Variants in CCNQ observed in about 807,000 individuals in gnomAD.
CCNQ encodes cyclin Q.
CCNQ carries 3 observed loss-of-function variants against 17.7 expected under a neutral mutation model. The ratio of observed to expected loss-of-function variants is 0.17; its 90% CI spans 0.08 to 0.44. CCNQ has a LOEUF of 0.44. Ranked by LOEUF, CCNQ falls within the 20% of genes least tolerant of loss-of-function variation. The pLI, the probability that CCNQ is intolerant of heterozygous loss-of-function variation, is 0.99. For missense variants in CCNQ, 146 were observed against 222.6 expected, an observed-to-expected ratio of 0.66 and a Z score of 2.19; for synonymous variants, 73 against 96.0, an observed-to-expected ratio of 0.76 and a Z score of 1.40.
chrX:153,595,649 C>T (rs2091022450), intron 2 of CCNQ, among the ~76,000 whole-genome samples: 1 of 112,507 alleles, frequency 8.9e-6, no homozygotes, highest in Admixed American at 9.3e-5. Flanking sequence ...CTGCACCCTC[C>T]CGCTGCAGGC....
Position 153,587,928 on chromosome X carries a change from A to C in CCNQ, c.*437T>G, listed in dbSNP as rs1042281403. The C allele has an allele frequency of 7.7e-6, 2 of 259,104 alleles. No individual in the cohort carries two copies. Among genetic ancestry groups the C allele is most frequent in the Non-Finnish European group, 1.4e-5 (2 of 140,742 alleles). The allele number at this position is 259,104 out of a possible 1,213,427, so 21.4% of individuals were successfully genotyped here. A position where few individuals can be genotyped will look rare whatever the true frequency, so the allele number is the denominator to read the frequency against. On this transcript the variant is annotated 3_prime_UTR_variant, in exon 5 of 5. Coordinates refer to ENST00000576892, the MANE Select transcript of CCNQ (RefSeq NM_152274.5). ...AGAGCAAAGCCAAGGGTCCCTATTG[A>C]CTTGTATCACCTTTTATTACACAAA...
intron 3 of CCNQ, among the ~76,000 whole-genome samples, chrX:153,593,091 G>C (rs1292753984): frequency 8.9e-6 from 1 of 112,406 alleles, no homozygotes; most frequent in African/African-American, 3.2e-5. Flanking sequence ...TGGTGCTCCG[G>C]AAAGCACCCT....
chrX:153,595,353 A>G (rs1309160505), intron 2 of CCNQ, among the ~76,000 whole-genome samples: 5 of 113,442 alleles, frequency 4.4e-5, no homozygotes, highest in African/African-American at 1.3e-4. Flanking sequence ...CCTGGGCTCA[A>G]GCGATCCACC....
At chrX:153,589,448 G>C (rs981951749) in intron 4 of CCNQ, among the ~76,000 whole-genome samples, 3 of 113,235 alleles carry the variant, frequency 2.6e-5, no homozygotes, top group Non-Finnish European at 3.7e-5. Context: ...CTTCGCTCAC[G>C]GTAACCTGTG....
intron 2 of CCNQ, among the ~76,000 whole-genome samples, chrX:153,595,511 G>A (rs888729892): frequency 5.3e-5 from 6 of 113,390 alleles, no homozygotes; most frequent in African/African-American, 1.3e-4. Flanking sequence ...TCTTTCCCTC[G>A]CCTTGGCGAA....
intron 2 of CCNQ, among the ~76,000 whole-genome samples, chrX:153,595,654 G>A (rs1557026837): frequency 8.9e-6 from 1 of 112,315 alleles, no homozygotes; most frequent in Admixed American, 9.3e-5. Context: ...CCCTCCCGCT[G>A]CAGGCAAGCT....
chrX:153,588,577 G>C (rs2090970151), intron 4 of CCNQ, 123 bp from the exon 5 acceptor site: 2 of 550,604 alleles, frequency 3.6e-6, no homozygotes, highest in East Asian at 7.0e-5. Context: ...GGCTATGTAG[G>C]AAGACAGTAG....
intron 4 of CCNQ, among the ~76,000 whole-genome samples, chrX:153,589,699 C>G (rs1368626262): frequency 8.9e-6 from 1 of 112,898 alleles, no homozygotes; most frequent in African/African-American, 3.2e-5. Flanking sequence ...AAGGCAAGAA[C>G]TGGACCTACG....
chrX:153,596,219 C>T (rs1039977199), intron 1 of CCNQ, 32 bp from the exon 2 acceptor site: 32 of 1,197,292 alleles, frequency 2.7e-5, no homozygotes, highest in Middle Eastern at 2.3e-4. Context: ...GAGAGGACTT[C>T]AATCCAGCGC....
intron 3 of CCNQ, 88 bp from the exon 4 acceptor site, chrX:153,592,821 A>G (rs1321263003): frequency 1.6e-5 from 14 of 864,694 alleles, no homozygotes; most frequent in Non-Finnish European, 2.2e-5. Flanking sequence ...CCAACCCTCC[A>G]GCAGCTTCCA....
At chrX:153,594,427 G>A (rs2091013158) in intron 3 of CCNQ, 120 bp downstream of exon 3, 14 of 982,139 alleles carry the variant, frequency 1.4e-5, no homozygotes, top group Non-Finnish European at 1.9e-5. Flanking sequence ...GTTCCCAGCC[G>A]CAGCCCTGCT....
intron 1 of CCNQ, among the ~76,000 whole-genome samples, chrX:153,598,081 AG>A (rs1443802091): frequency 9.0e-6 from 1 of 111,219 alleles, no homozygotes; most frequent in Non-Finnish European, 1.9e-5. Context: ...CAGTAAAGGT[AG>A]GAAATAACTA....
intron 1 of CCNQ, chrX:153,597,774 T>C (rs782516413): frequency 6.3e-5 from 7 of 111,541 alleles, no homozygotes; most frequent in Admixed American, 5.7e-4. Context: ...AAACTTGTTA[T>C]ATAAAGACAA....
chrX:153,595,645 C>T (rs916553431), intron 2 of CCNQ, among the ~76,000 whole-genome samples: 2 of 112,409 alleles, frequency 1.8e-5, no homozygotes, highest in African/African-American at 6.5e-5. Context: ...GGGTCTGCAC[C>T]CTCCCGCTGC....
At chrX:153,591,179 G>A (rs1365662177) in intron 4 of CCNQ, among the ~76,000 whole-genome samples, 2 of 111,930 alleles carry the variant, frequency 1.8e-5, no homozygotes, top group African/African-American at 6.5e-5. Flanking sequence ...CTCATCATGG[G>A]GGATCAGGCC....
In CCNQ at chrX:153,595,997, C is replaced by G; in HGVS notation, c.296+7G>C. On this transcript the variant is annotated splice_region_variant and intron_variant, in intron 2 of 4. Coordinates refer to ENST00000576892, the MANE Select transcript of CCNQ (RefSeq NM_152274.5). ...TGGAGATCAGGAGCCCAGCCAAATG[C>G]CATTACCTGTTGGACACATTGATGA... The G allele has an allele frequency of 2.5e-6, 3 of 1,212,027 alleles. No homozygotes were observed. The highest frequency in any genetic ancestry group is 3.4e-6 in the Non-Finnish European group (3 of 895,436).
Position 153,594,578 on chromosome X carries a change from C to T in CCNQ, c.398G>A (p.Arg133His), listed in dbSNP as rs1240480716. 5.8e-6 allele frequency: 7 copies of T among 1,210,837 alleles called. No individual in the cohort carries two copies. Among genetic ancestry groups the T allele is most frequent in the South Asian group, 3.5e-5 (2 of 56,965 alleles). ...TGGATGCTGGAAGGAGACCTGGAAG[C>T]GCAGAACTCTCAGCATGAGAAGCTC... ...QCELLMLRVLRFQVSFQHPHK... is the reference protein window; with the variant it reads ...QCELLMLRVLHFQVSFQHPHK... Residue 133 changes from arginine (R) to histidine (H), a missense_variant, in exon 3 of 5, where the codon CGC (arginine) becomes CAC (histidine). Arg to His is a conservative substitution (Grantham distance 29, BLOSUM62 0). Coordinates refer to ENST00000576892, the MANE Select transcript of CCNQ (RefSeq NM_152274.5).
At chrX:153,591,435 C>T (rs781882994) in intron 4 of CCNQ, among the ~76,000 whole-genome samples, 132 of 112,091 alleles carry the variant, frequency 1.2e-3, no homozygotes, top group African/African-American at 3.7e-3. Flanking sequence ...TACCTGGGCT[C>T]GCACTCCTCT....
chrX:153,592,399 G>T, intron 4 of CCNQ, 107 bp downstream of exon 4: 1 of 810,424 alleles, frequency 1.2e-6, no homozygotes, highest in Non-Finnish European at 1.8e-6. Context: ...TTCCCCAGCA[G>T]CCCGTATCTT....
Sources: gnomAD v4.1 joint callset for allele counts (sites outside exome capture counted in the v4.1 genomes callset) on GRCh38, gnomAD v4.1.1 for gene constraint, MANE v1.5 for transcripts, NCBI Gene and HGNC (gene_info 2026-07-23, HGNC 2026-07-21) for gene names.